UTP11: variants seen among roughly 807,000 people sequenced by gnomAD.
UTP11 encodes UTP11 small subunit processome component.
In UTP11, 29 loss-of-function variants were observed where a neutral mutation model predicts 39.0. The observed-to-expected ratio is 0.74, with a 90% confidence interval of 0.55 to 1.01. The LOEUF (loss-of-function observed/expected upper bound fraction) is 1.01. UTP11 is among the 50% of genes least tolerant of loss of function. UTP11 has a pLI of 0.00. For synonymous variants in UTP11, 111 were observed against 105.0 expected (o/e 1.06, Z -0.35); for missense variants, 281 against 306.0 (o/e 0.92, Z 0.61).
chr1:38,017,440 G>A (rs1349987054), intron 2 of UTP11: 1 of 356,164 alleles, frequency 2.8e-6, no homozygotes, highest in East Asian at 4.4e-5. Context: ...TTAATTTCAG[G>A]TTCCACTGGA....
At chr1:38,016,506 G>A (rs947613506) in intron 2 of UTP11, 86 bp downstream of exon 2, 15 of 1,403,964 alleles carry the variant, frequency 1.1e-5, no homozygotes, top group Admixed American at 8.6e-5. Context: ...GTGTCCAACA[G>A]GGGATAATTT....
chr1:38,012,896 C>T (rs527342552), intron 1 of UTP11, 31 bp downstream of exon 1: 2 of 1,613,998 alleles, frequency 1.2e-6, no homozygotes, highest in Admixed American at 3.3e-5. Flanking sequence ...CAAGTGCTGG[C>T]CTTTGTCGCC....
rs759685263 is a variant in UTP11 at position 38,019,239 on chromosome 1, G to T, written c.437-14G>T. On this transcript the variant is annotated splice_polypyrimidine_tract_variant and intron_variant, in intron 5 of 7. Coordinates refer to ENST00000373014, the MANE Select transcript of UTP11 (RefSeq NM_016037.4). ...AGAAACCGACAGTGCCTTAAGGATT[G>T]TCTTGAATTTTAGTTGAACAGTTTG... The T allele has an allele frequency of 1.2e-6, 2 of 1,614,046 alleles. No homozygotes were observed. The highest frequency in any genetic ancestry group is 3.3e-5 in the Admixed American group (2 of 60,000).
chr1:38,019,128 T>C lies in UTP11; in HGVS notation c.412T>C (p.Phe138Leu). 3.7e-6 allele frequency: 6 copies of C among 1,614,102 alleles called. No individual in the cohort carries two copies. Among genetic ancestry groups the C allele is most frequent in the Non-Finnish European group, 5.1e-6 (6 of 1,180,016 alleles). The change falls in exon 5 of 8, where the codon TTC (phenylalanine) becomes CTC (leucine). Residue 138 changes from phenylalanine (F) to leucine (L), a missense_variant. Phe to Leu is a conservative substitution (Grantham distance 22). Coordinates refer to ENST00000373014, the MANE Select transcript of UTP11 (RefSeq NM_016037.4). Reference sequence around the variant, plus strand: ...GGGGAAGCAACAGAACAAGCATGTGTTCTTTTTTGACACCAAAAAGGAAGG... The same window carrying C: ...GGGGAAGCAACAGAACAAGCATGTGCTCTTTTTTGACACCAAAAAGGAAGG... ...FQGKQQNKHV[F>L]FFDTKKEVEQ... is the part of the protein sequence containing the mutation.
chr1:38,024,235 A>G lies in UTP11; in HGVS notation c.*607A>G, dbSNP rs188242478. 1 of 152,374 alleles carries G rather than the reference A, an allele frequency of 6.6e-6. No homozygotes were observed. Among genetic ancestry groups the G allele is most frequent in the Admixed American group, 6.5e-5 (1 of 15,298 alleles). The allele number at this position is 152,374 out of a possible 1,614,324, so 9.4% of individuals were successfully genotyped here. The stretch of plus-strand genomic sequence containing the variant: ...TCCCAGTGCTTATTCAATAATAACA[A>G]ATATTTATTGCATGCTTAACTGTGC... On this transcript the variant is annotated 3_prime_UTR_variant, in exon 8 of 8. Coordinates refer to ENST00000373014, the MANE Select transcript of UTP11 (RefSeq NM_016037.4).
intron 4 of UTP11, 122 bp from the exon 5 acceptor site, chr1:38,018,937 A>G: frequency 2.3e-6 from 2 of 868,232 alleles, no homozygotes; most frequent in Non-Finnish European, 3.5e-6. Flanking sequence ...TTAAAAGAAT[A>G]AAGCAAGTTC....
intron 1 of UTP11, among the ~76,000 whole-genome samples, chr1:38,015,150 G>A (rs1046763990): frequency 5.3e-5 from 8 of 152,158 alleles, no homozygotes; most frequent in African/African-American, 1.9e-4. Flanking sequence ...AGCCTCTTGA[G>A]TAGCTGGGAT....
At chr1:38,019,480 TAAAA>T in intron 6 of UTP11, 97 bp downstream of exon 6, 1 of 1,133,836 alleles carries the variant, frequency 8.8e-7, no homozygotes. Flanking sequence ...AAATAATTTT[TAAAA>T]TTTATTTTAT....
At position 38,023,856 on chromosome 1, in the gene UTP11, TC is replaced by T; in HGVS notation, c.*229del. The T allele has an allele frequency of 2.9e-6, 1 of 348,632 alleles. No homozygotes were observed. Among genetic ancestry groups the T allele is most frequent in the East Asian group, 5.1e-5 (1 of 19,618 alleles). 21.6% of individuals were successfully genotyped at this position (348,632 alleles called of 1,614,324 possible). ...ATTTTTATATACTTAATTTTTTTTT[TC>T]TTTGAGATAGGGTCTTTGTTGCCAG... On this transcript the variant is annotated 3_prime_UTR_variant, in exon 8 of 8. Transcript: ENST00000373014.
In UTP11 at chr1:38,017,762, A is replaced by ATTCT. The variant is rs758517611; in HGVS notation, c.220_221insTTCT (p.Lys74IlefsTer11). On this transcript the variant is annotated frameshift_variant, in exon 3 of 8. Transcript: ENST00000373014. LOFTEE classifies it high-confidence loss of function. ...ATTCTACTACAAAATGACTCGGGTT[A>ATTCT]AACTCCAGGTGGGTGCCCAATGGCT... 1.2e-6 allele frequency: 2 copies of ATTCT among 1,610,966 alleles called. No individual in the cohort carries two copies. The highest frequency in any genetic ancestry group is 1.7e-6 in the Non-Finnish European group (2 of 1,178,992).
chr1:38,022,847 T>TTC (rs397862112), intron 7 of UTP11, 38 bp downstream of exon 7: 94 of 1,281,084 alleles, frequency 7.3e-5, no homozygotes, highest in African/African-American at 1.2e-4. Context: ...TTTTTTTTTT[T>TTC]CCCCCTTTTC....
intron 2 of UTP11, 72 bp from the exon 3 acceptor site, chr1:38,017,596 G>T (rs577583751): frequency 3.3e-6 from 4 of 1,220,344 alleles, no homozygotes; most frequent in South Asian, 3.2e-5. Context: ...TTTGCTTATT[G>T]TGGGTTTTTG....
intron 7 of UTP11, 136 bp from the exon 8 acceptor site, chr1:38,023,409 G>A: frequency 1.6e-6 from 1 of 640,092 alleles, no homozygotes; most frequent in Non-Finnish European, 2.7e-6. Context: ...TACAGTGGAT[G>A]CCTTGGGCAG....
chr1:38,017,825 G>C, intron 3 of UTP11, 55 bp downstream of exon 3: 1 of 1,431,106 alleles, frequency 7.0e-7, no homozygotes, highest in African/African-American at 1.4e-5. Context: ...GGAAAATAAG[G>C]ACAGGGAGGA....
chr1:38,014,206 G>A (rs761214029), intron 1 of UTP11, among the ~76,000 whole-genome samples: 38 of 152,334 alleles, frequency 2.5e-4, no homozygotes, highest in South Asian at 6.2e-4. Context: ...TAGTGGAATT[G>A]GATTAGCAGA....
At chr1:38,022,678 A>G (rs1448782786) in intron 6 of UTP11, 21 bp from the exon 7 acceptor site, 2 of 1,544,850 alleles carry the variant, frequency 1.3e-6, no homozygotes, top group Non-Finnish European at 1.8e-6. Flanking sequence ...TTCACTGAGA[A>G]TGTGTGTGTT....
At chr1:38,020,989 T>C (rs998537787) in intron 6 of UTP11, among the ~76,000 whole-genome samples, 3 of 151,882 alleles carry the variant, frequency 2.0e-5, no homozygotes, top group African/African-American at 4.8e-5. Context: ...TGGCGTGATA[T>C]CGGCTCACTG....
At chr1:38,013,266 C>T (rs1646688562) in intron 1 of UTP11, among the ~76,000 whole-genome samples, 1 of 152,176 alleles carries the variant, frequency 6.6e-6, no homozygotes, top group South Asian at 2.1e-4. Context: ...GGGCCCTGAC[C>T]GAAGAGACTG....
At chr1:38,018,437 A>C in intron 3 of UTP11, 27 bp from the exon 4 acceptor site, 4 of 1,507,496 alleles carry the variant, frequency 2.7e-6, no homozygotes, top group Non-Finnish European at 3.7e-6. Flanking sequence ...TCTAATAGGG[A>C]ATATATCTTT....
Sources: gnomAD v4.1 joint callset for allele counts (sites outside exome capture counted in the v4.1 genomes callset) on GRCh38, gnomAD v4.1.1 for gene constraint, MANE v1.5 for transcripts, NCBI Gene and HGNC (gene_info 2026-07-23, HGNC 2026-07-21) for gene names.